ANO10: variants seen among roughly 807,000 people sequenced by gnomAD.
The protein encoded by ANO10 is anoctamin 10, also known as anoctamin-10.
A neutral mutation model predicts 74.7 loss-of-function variants in ANO10; 77 were observed. The ratio of observed to expected loss-of-function variants is 1.03; its 90% CI spans 0.86 to 1.25. The LOEUF (loss-of-function observed/expected upper bound fraction) is 1.25, where lower values mean the gene tolerates loss of function less well. ANO10 is among the 50% of genes most tolerant of loss of function. The pLI, the probability that ANO10 is intolerant of heterozygous loss-of-function variation, is 0.00. For synonymous variants in ANO10, 279 were observed against 284.9 expected (o/e 0.98, Z 0.21); for missense variants, 721 against 778.1 (o/e 0.93, Z 0.87).
rs187003192 is a variant in ANO10, at chr3:43,562,620, G to T, written c.1294-1218C>A. ...CGCTTGAACCTAGGAGGTAGAGGCT[G>T]CAGTGAGCCAAGGCTGTGCCACTGC... On this transcript the variant is annotated intron_variant, in intron 8 of 12. Transcript: ENST00000292246. Among the ~76,000 whole-genome samples the T allele has an allele frequency of 2.4e-3, 366 of 151,938 alleles. 1 individual carries two copies. Among genetic ancestry groups the T allele is most frequent in the African/African-American group, 8.6e-3 (356 of 41,448 alleles).
intron 12 of ANO10, among the ~76,000 whole-genome samples, chr3:43,380,315 T>C (rs1473282560): frequency 6.6e-6 from 1 of 152,224 alleles, no homozygotes; most frequent in Admixed American, 6.5e-5. Context: ...AACATCCAAA[T>C]ACAAGAAGCT....
chr3:43,612,140 T>TATATA (rs2082851608), intron 1 of ANO10, among the ~76,000 whole-genome samples: 1 of 64,552 alleles, frequency 1.5e-5, no homozygotes, highest in Non-Finnish European at 3.1e-5. Flanking sequence ...ATTAAATATT[T>TATATA]TATATATATA....
intron 12 of ANO10, among the ~76,000 whole-genome samples, chr3:43,413,822 C>T (rs1417328189): frequency 6.6e-6 from 1 of 151,602 alleles, no homozygotes; most frequent in African/African-American, 2.4e-5. Flanking sequence ...TTTCACCTTG[C>T]CTGCTGTTAC....
chr3:43,577,603 G>T (rs1019293086), intron 5 of ANO10, among the ~76,000 whole-genome samples: 3 of 152,134 alleles, frequency 2.0e-5, no homozygotes, highest in Admixed American at 2.0e-4. Flanking sequence ...TTTAAGTTCA[G>T]CCATGTCCAC....
chr3:43,612,140 TTATATATATATATATATATATATATATA>T lies in ANO10; in HGVS notation c.-11-6305_-11-6278del, dbSNP rs55675402. On this transcript the variant is annotated intron_variant, in intron 1 of 12. Transcript: ENST00000292246. ...AGTGGAATAAAGAAAATTAAATATTTTATATATATATATATATATATATATATATATATATATATATATATGCCCAAGA... is the reference window on the plus strand; with the variant it reads ...AGTGGAATAAAGAAAATTAAATATTTTATATATATATATATATGCCCAAGA... Among the ~76,000 whole-genome samples, 117 of 64,562 alleles carry T rather than the reference TTATATATATATATATATATATATATATA, an allele frequency of 1.8e-3. 1 individual carries two copies. In the East Asian group the frequency reaches 0.019, roughly 11 times the overall value. 42.4% of individuals were successfully genotyped at this position (64,562 alleles called of 152,430 possible).
chr3:43,655,874 A>T (rs1365825443), intron 1 of ANO10, among the ~76,000 whole-genome samples: 1 of 92,270 alleles, frequency 1.1e-5, no homozygotes, highest in Non-Finnish European at 2.3e-5. Context: ...GAGCAGCTAG[A>T]TACAGTGTCC....
At position 43,628,823 on chromosome 3, in the gene ANO10, A is replaced by G. The variant is rs561770883; in HGVS notation, c.-11-22960T>C. Among the ~76,000 whole-genome samples the G allele has an allele frequency of 3.3e-5, 5 of 152,150 alleles. No individual in the cohort carries two copies. The East Asian group carries it at 9.7e-4, about 29-fold the overall frequency. ...GGAAGAGGAAATTCCCACCTAATAA[A>G]TTTTGGTCAGACCGGTTGCTCTCAA... is the stretch of plus-strand genomic sequence containing the variant. On this transcript the variant is annotated intron_variant, in intron 1 of 3. Transcript: ENST00000413397.
At chr3:43,538,143 T>C (rs1305991235) in intron 11 of ANO10, among the ~76,000 whole-genome samples, 1 of 152,138 alleles carries the variant, frequency 6.6e-6, no homozygotes, top group Non-Finnish European at 1.5e-5. Flanking sequence ...GATATAAAAT[T>C]TCAGTATAAA....
chr3:43,396,083 T>A (rs2092375146), intron 12 of ANO10, among the ~76,000 whole-genome samples: 1 of 151,848 alleles, frequency 6.6e-6, no homozygotes, highest in South Asian at 2.1e-4. Context: ...TTTATTTTTT[T>A]TTTTTGCTTG....
intron 1 of ANO10, among the ~76,000 whole-genome samples, chr3:43,607,083 G>A (rs962320350): frequency 6.6e-6 from 1 of 152,068 alleles, no homozygotes; most frequent in African/African-American, 2.4e-5. Flanking sequence ...CCATTCCCAA[G>A]AGATCTCATT....
At chr3:43,449,549 A>G (rs1051188544) in intron 11 of ANO10, among the ~76,000 whole-genome samples, 2 of 100,792 alleles carry the variant, frequency 2.0e-5, no homozygotes, top group Non-Finnish European at 3.8e-5. Flanking sequence ...TGTGATGTCC[A>G]GTTGTTACAG....
chr3:43,679,059 G>T (rs1213633641), intron 1 of ANO10, among the ~76,000 whole-genome samples: 1 of 152,262 alleles, frequency 6.6e-6, no homozygotes, highest in African/African-American at 2.4e-5. Flanking sequence ...TGAGGTACCG[G>T]GTTTATCGCA....
At chr3:43,413,303 A>G (rs2092692726) in intron 12 of ANO10, among the ~76,000 whole-genome samples, 1 of 151,958 alleles carries the variant, frequency 6.6e-6, no homozygotes, top group Non-Finnish European at 1.5e-5. Context: ...TAGTTTGGTT[A>G]TTTGTCCCCA....
At chr3:43,545,233 TA>T (rs1207682737) in intron 11 of ANO10, among the ~76,000 whole-genome samples, 1 of 152,192 alleles carries the variant, frequency 6.6e-6, no homozygotes, top group African/African-American at 2.4e-5. Flanking sequence ...ATAAGAACAT[TA>T]TGTAGACTCC....
intron 12 of ANO10, among the ~76,000 whole-genome samples, chr3:43,416,085 T>G (rs907152608): frequency 4.6e-5 from 7 of 152,084 alleles, no homozygotes; most frequent in Admixed American, 4.6e-4. Context: ...TTCTCACATA[T>G]GAAAGTAGAG....
intron 11 of ANO10, among the ~76,000 whole-genome samples, chr3:43,507,363 C>G (rs1413746950): frequency 6.6e-6 from 1 of 152,004 alleles, no homozygotes; most frequent in African/African-American, 2.4e-5. Flanking sequence ...GCTCAGGGAC[C>G]TACCACAGGT....
rs180906111 is a variant in ANO10 at position 43,691,101 on chromosome 3, T to A, written c.-12+416A>T. The A allele has an allele frequency of 1.2e-3, 1,716 of 1,465,668 alleles. 62 individuals are homozygous for A. In the East Asian group the frequency reaches 0.046, roughly 39 times the overall value. 90.8% of individuals were successfully genotyped at this position (1,465,668 alleles called of 1,614,324 possible). On this transcript the variant is annotated intron_variant, in intron 1 of 3. Transcript: ENST00000413397. ...GCGCGCACCCTCCGCGCGGGCCGGG[T>A]TAGGGCCCAGCGGGCAGCACCAAGG...
chr3:43,401,139 C>T (rs2092473688), intron 12 of ANO10, among the ~76,000 whole-genome samples: 1 of 152,114 alleles, frequency 6.6e-6, no homozygotes, highest in Admixed American at 6.5e-5. Context: ...ACTCTTGGCC[C>T]CCAGCCTTTT....
At chr3:43,440,446 A>G (rs1471164291) in intron 11 of ANO10, among the ~76,000 whole-genome samples, 2 of 152,214 alleles carry the variant, frequency 1.3e-5, no homozygotes, top group Non-Finnish European at 2.9e-5. Flanking sequence ...ACAAACTGTT[A>G]TAAGAGACAA....
Sources: allele counts gnomAD v4.1 joint callset (sites outside exome capture counted in the v4.1 genomes callset), GRCh38; gene constraint gnomAD v4.1.1; transcripts MANE v1.5; gene names NCBI Gene and HGNC (gene_info 2026-07-23, HGNC 2026-07-21).